CFAP54: variants seen among roughly 807,000 people sequenced by gnomAD.
CFAP54 encodes cilia and flagella associated protein 54, also known as cilia- and flagella-associated protein 54.
CFAP54 carries 290 observed loss-of-function variants against 370.4 expected under a neutral mutation model. The observed-to-expected ratio is 0.78, with a 90% confidence interval of 0.71 to 0.86. CFAP54 has a LOEUF of 0.86. Among genes scored for constraint, CFAP54 ranks in the 40% least tolerant of loss-of-function variants. The probability of loss-of-function intolerance (pLI) is 0.00; values close to 1 mark genes in which losing one functional copy is unlikely to be tolerated. For synonymous variants in CFAP54, 1,206 were observed against 1,236.5 expected (o/e 0.98, Z 0.52); for missense variants, 3,399 against 3,528.7 (o/e 0.96, Z 0.93).
intron 63 of CFAP54, among the ~76,000 whole-genome samples, chr12:96,793,974 G>T (rs1482540938): frequency 6.6e-6 from 1 of 152,132 alleles, no homozygotes; most frequent in East Asian, 1.9e-4. Context: ...GAAAAAGAGT[G>T]TATATTTCCT....
At position 96,561,746 on chromosome 12, in the gene CFAP54, C is replaced by CACACAT. The variant is rs769207772; in HGVS notation, c.2411-2721_2411-2720insCACATA. Among the ~76,000 whole-genome samples the CACACAT allele has an allele frequency of 4.9e-4, 67 of 137,120 alleles. 2 individuals carry two copies. Among genetic ancestry groups the CACACAT allele is most frequent in the African/African-American group, 7.6e-4 (28 of 36,680 alleles). 90.0% of individuals were successfully genotyped at this position (137,120 alleles called of 152,430 possible). A position where few individuals can be genotyped will look rare whatever the true frequency, so the allele number is the denominator to read the frequency against. ...ACACACACACACACACACACACACA[C>CACACAT]ATGTATATATATTTAAATCACAAGT... On this transcript the variant is annotated intron_variant, in intron 17 of 67. Transcript: ENST00000524981.
At chr12:96,547,552 T>G (rs1270212642) in intron 14 of CFAP54, among the ~76,000 whole-genome samples, 1 of 152,178 alleles carries the variant, frequency 6.6e-6, no homozygotes, top group Non-Finnish European at 1.5e-5. Flanking sequence ...TGATAAATAT[T>G]TGGTTTGTTA....
intron 60 of CFAP54, among the ~76,000 whole-genome samples, chr12:96,767,296 G>T (rs1160001906): frequency 1.3e-5 from 2 of 152,254 alleles, no homozygotes; most frequent in East Asian, 1.9e-4. Flanking sequence ...ACACGAAAAA[G>T]GTGCTGTGAT....
At chr12:96,678,707 A>G (rs972249510) in intron 39 of CFAP54, among the ~76,000 whole-genome samples, 6 of 152,092 alleles carry the variant, frequency 3.9e-5, no homozygotes, top group African/African-American at 9.7e-5. Context: ...TCTGTCTTCC[A>G]TCTTTCCCTT....
At chr12:96,544,947 T>C (rs1234572195) in intron 14 of CFAP54, among the ~76,000 whole-genome samples, 1 of 151,908 alleles carries the variant, frequency 6.6e-6, no homozygotes, top group Non-Finnish European at 1.5e-5. Context: ...AGTCTCGCTC[T>C]TTTACCCAGG....
chr12:96,532,316 G>A (rs1212328724), intron 9 of CFAP54, among the ~76,000 whole-genome samples: 2 of 152,160 alleles, frequency 1.3e-5, no homozygotes, highest in African/African-American at 2.4e-5. Context: ...GAAAAGCCTA[G>A]GGTTAGCTCC....
chr12:96,711,390 C>G (rs1256792934), intron 48 of CFAP54, among the ~76,000 whole-genome samples: 1 of 151,870 alleles, frequency 6.6e-6, no homozygotes, highest in African/African-American at 2.4e-5. Flanking sequence ...CTATTTCAAT[C>G]TTTATTATTT....
At chr12:96,538,315 C>A in intron 12 of CFAP54, 69 bp from the exon 13 acceptor site, 1 of 1,300,314 alleles carries the variant, frequency 7.7e-7, no homozygotes, top group Non-Finnish European at 1.1e-6. Context: ...TGTTTCTCAG[C>A]ACACAGTAAA....
At chr12:96,797,061 A>G (rs1050842404) in intron 63 of CFAP54, among the ~76,000 whole-genome samples, 21 of 152,174 alleles carry the variant, frequency 1.4e-4, no homozygotes, top group Non-Finnish European at 1.0e-4. Flanking sequence ...TAGTTTTGTA[A>G]AATTTTCATT....
At chr12:96,545,184 A>G (rs1185353182) in intron 14 of CFAP54, among the ~76,000 whole-genome samples, 1 of 152,116 alleles carries the variant, frequency 6.6e-6, no homozygotes, top group Non-Finnish European at 1.5e-5. Context: ...AAGTGCTGAG[A>G]TTACAGGTAT....
At chr12:96,505,801 A>T (rs1955093457) in intron 3 of CFAP54, among the ~76,000 whole-genome samples, 1 of 152,002 alleles carries the variant, frequency 6.6e-6, no homozygotes, top group African/African-American at 2.4e-5. Context: ...CTTACAAAAT[A>T]CTTTCAATTC....
intron 51 of CFAP54, 137 bp downstream of exon 51, chr12:96,740,198 G>A (rs1404242952): frequency 5.0e-5 from 29 of 580,992 alleles, no homozygotes; most frequent in Non-Finnish European, 8.4e-5. Context: ...AAAAGATTTA[G>A]GTCCTATTAA....
intron 63 of CFAP54, among the ~76,000 whole-genome samples, chr12:96,794,086 G>A (rs1958732402): frequency 1.3e-5 from 2 of 152,112 alleles, no homozygotes; most frequent in Admixed American, 1.3e-4. Context: ...TAGCTTGGTA[G>A]GGTTTCTGCT....
intron 9 of CFAP54, 116 bp downstream of exon 9, chr12:96,527,560 T>G (rs908023145): frequency 2.3e-5 from 15 of 640,258 alleles, no homozygotes; most frequent in African/African-American, 2.3e-4. Flanking sequence ...TTTTTTTTTT[T>G]TTGTTTGGTT....
intron 67 of CFAP54, among the ~76,000 whole-genome samples, chr12:96,873,527 T>A (rs1246512290): frequency 6.6e-6 from 1 of 152,198 alleles, no homozygotes; most frequent in African/African-American, 2.4e-5. Flanking sequence ...TTGTGACATT[T>A]TGTCTTCAGT....
intron 48 of CFAP54, among the ~76,000 whole-genome samples, chr12:96,712,915 G>A (rs576326532): frequency 1.1e-4 from 16 of 152,116 alleles, no homozygotes; most frequent in African/African-American, 3.9e-4. Flanking sequence ...ACATATAAAT[G>A]GCCAAAAAGC....
In CFAP54 at chr12:96,607,052, C is replaced by T. The variant is rs539434233; in HGVS notation, c.3639+8285C>T. Reference sequence around the variant, plus strand: ...GGTCTTGCAACAGAGAGGCTTCTACCCTCCACCTTAGCAAAGAAGCCATTA... The same window carrying T: ...GGTCTTGCAACAGAGAGGCTTCTACTCTCCACCTTAGCAAAGAAGCCATTA... On this transcript the variant is annotated intron_variant, in intron 26 of 67. Transcript: ENST00000524981. Among the ~76,000 whole-genome samples the T allele has an allele frequency of 1.4e-3, 220 of 152,212 alleles. 1 individual carries two copies. Among genetic ancestry groups the T allele is most frequent in the African/African-American group, 5.0e-3 (207 of 41,516 alleles).
intron 67 of CFAP54, among the ~76,000 whole-genome samples, chr12:96,874,562 G>T (rs1490364198): frequency 6.6e-6 from 1 of 151,122 alleles, no homozygotes. Context: ...AGGTAAACTG[G>T]AATCTTCTGT....
intron 52 of CFAP54, 136 bp from the exon 53 acceptor site, chr12:96,743,266 T>A (rs535115649): frequency 1.2e-6 from 1 of 832,650 alleles, no homozygotes; most frequent in Non-Finnish European, 1.8e-6. Context: ...TCATGTAGAG[T>A]CTGTTTTCCA....
Sources: allele counts gnomAD v4.1 joint callset (sites outside exome capture counted in the v4.1 genomes callset), GRCh38; gene constraint gnomAD v4.1.1; transcripts MANE v1.5; gene names NCBI Gene and HGNC (gene_info 2026-07-23, HGNC 2026-07-21).